The following CCDC181 variants were observed in gnomAD, a reference collection of about 807,000 sequenced individuals.
The protein encoded by CCDC181 is coiled-coil domain-containing protein 181.
Under a neutral mutation model 58.7 loss-of-function variants are expected in CCDC181, and 35 were observed. The observed-to-expected ratio is 0.60, with a 90% CI of 0.46 to 0.79. The LOEUF (loss-of-function observed/expected upper bound fraction) is 0.79, where lower values mean the gene tolerates loss of function less well. Ranked by LOEUF, CCDC181 falls within the 30% of genes least tolerant of loss-of-function variation. The pLI, the probability that CCDC181 is intolerant of heterozygous loss-of-function variation, is 0.00. For missense variants in CCDC181, 517 were observed against 583.9 expected (o/e 0.89, Z 1.18); for synonymous variants, 183 against 197.5 (o/e 0.93, Z 0.62).
chr1:169,423,086 C>T (rs1054048898), intron 2 of CCDC181, among the ~76,000 whole-genome samples: 1 of 130,956 alleles, frequency 7.6e-6, no homozygotes, highest in African/African-American at 2.6e-5. Context: ...TATTTTTTCT[C>T]TTTGTCAAAG....
chr1:169,442,587 A>G (rs986315367), intron 2 of CCDC181: 3 of 152,138 alleles, frequency 2.0e-5, no homozygotes, highest in Non-Finnish European at 4.4e-5. Flanking sequence ...ACACCTGTAC[A>G]TGCTATTGTT....
intron 2 of CCDC181, among the ~76,000 whole-genome samples, chr1:169,440,277 G>A (rs969686921): frequency 1.6e-4 from 25 of 152,196 alleles, no homozygotes; most frequent in African/African-American, 5.5e-4. Flanking sequence ...CGCTGGAGGC[G>A]GATACCAAAC....
intron 2 of CCDC181, among the ~76,000 whole-genome samples, chr1:169,434,684 A>G (rs1657008709): frequency 3.3e-5 from 5 of 152,068 alleles, no homozygotes. Flanking sequence ...TAATAAAGCC[A>G]TGTATGAAAA....
chr1:169,446,152 C>G (rs1420341340), intron 2 of CCDC181, among the ~76,000 whole-genome samples: 2 of 151,980 alleles, frequency 1.3e-5, no homozygotes, highest in African/African-American at 4.8e-5. Flanking sequence ...TAGGTTTAAA[C>G]TGACCTTCTT....
intron 2 of CCDC181, among the ~76,000 whole-genome samples, chr1:169,452,096 T>C (rs1258198850): frequency 6.6e-6 from 1 of 150,940 alleles, no homozygotes; most frequent in African/African-American, 2.4e-5. Flanking sequence ...AGAGGAAATG[T>C]AGATGAGAAG....
At chr1:169,408,924 A>G (rs1655813838) in intron 4 of CCDC181, among the ~76,000 whole-genome samples, 2 of 152,242 alleles carry the variant, frequency 1.3e-5, no homozygotes, top group Non-Finnish European at 2.9e-5. Flanking sequence ...ATCCATAAAG[A>G]TGAGGAAAGC....
At chr1:169,405,761 A>T (rs1256031770) in intron 4 of CCDC181, among the ~76,000 whole-genome samples, 1 of 152,188 alleles carries the variant, frequency 6.6e-6, no homozygotes, top group East Asian at 1.9e-4. Flanking sequence ...AGACTTCATG[A>T]CTAAAACAAA....
intron 4 of CCDC181, among the ~76,000 whole-genome samples, chr1:169,415,169 C>A (rs1314409063): frequency 6.6e-6 from 1 of 152,124 alleles, no homozygotes; most frequent in African/African-American, 2.4e-5. Context: ...TTTATTTTTG[C>A]AAATACCCCA....
At chr1:169,404,301 A>T (rs1405595557) in intron 4 of CCDC181, among the ~76,000 whole-genome samples, 1 of 152,168 alleles carries the variant, frequency 6.6e-6, no homozygotes, top group Non-Finnish European at 1.5e-5. Flanking sequence ...AATCCTCCCT[A>T]ACTCGTTATA....
chr1:169,420,790 A>G (rs891834699), intron 3 of CCDC181, among the ~76,000 whole-genome samples: 2 of 152,158 alleles, frequency 1.3e-5, no homozygotes, highest in African/African-American at 2.4e-5. Flanking sequence ...ATAGAGTTTC[A>G]CATAAGAACA....
chr1:169,456,057 A>C (rs1657668933), intron 2 of CCDC181, among the ~76,000 whole-genome samples: 1 of 152,096 alleles, frequency 6.6e-6, no homozygotes, highest in Admixed American at 6.6e-5. Flanking sequence ...TTCTGCAGGA[A>C]AGTTGTCTTT....
At chr1:169,433,151 C>A (rs1656964125) in intron 2 of CCDC181, among the ~76,000 whole-genome samples, 1 of 151,820 alleles carries the variant, frequency 6.6e-6, no homozygotes, top group African/African-American at 2.4e-5. Flanking sequence ...TTGCAAGAGA[C>A]AAAGCACATA....
chr1:169,406,969 C>G (rs1012900626), intron 4 of CCDC181, among the ~76,000 whole-genome samples: 3 of 144,960 alleles, frequency 2.1e-5, no homozygotes, highest in African/African-American at 7.7e-5. Flanking sequence ...TTTCAGTAAA[C>G]AGACGTTTAG....
At position 169,424,821 on chromosome 1, in the gene CCDC181, C is replaced by T. The variant is rs1420617254; in HGVS notation, c.107G>A (p.Ser36Asn). Residue 36 changes from serine (S) to asparagine (N), a missense_variant, in exon 2 of 6, where the codon AGC becomes AAC. Ser to Asn is a conservative substitution (Grantham distance 46, BLOSUM62 1). Transcript: ENST00000367806. Reference sequence around the variant, plus strand: ...GTTGGCAATATATACCTCTATTATGCTGGCATCACTTTTTTCATTTTCATT... The same window carrying T: ...GTTGGCAATATATACCTCTATTATGTTGGCATCACTTTTTTCATTTTCATT... ...LINENEKSDA[S>N]IIEMACEKEE... is the part of the protein sequence containing the mutation. 2 of 1,567,092 alleles carry T rather than the reference C, an allele frequency of 1.3e-6. No individual in the cohort carries two copies. Among genetic ancestry groups the T allele is most frequent in the South Asian group, 2.3e-5 (2 of 88,642 alleles).
At chr1:169,425,715 A>G (rs1410973555) in intron 1 of CCDC181, among the ~76,000 whole-genome samples, 1 of 152,142 alleles carries the variant, frequency 6.6e-6, no homozygotes, top group African/African-American at 2.4e-5. Context: ...TAAAAATAGT[A>G]CTTTTCACAG....
At chr1:169,434,839 C>A (rs553581148) in intron 2 of CCDC181, among the ~76,000 whole-genome samples, 4 of 152,102 alleles carry the variant, frequency 2.6e-5, no homozygotes, top group Non-Finnish European at 5.9e-5. Flanking sequence ...AAGAAAAAGT[C>A]ATAAAAACAC....
intron 2 of CCDC181, among the ~76,000 whole-genome samples, chr1:169,449,513 A>G (rs1482637428): frequency 6.6e-6 from 1 of 152,250 alleles, no homozygotes; most frequent in Non-Finnish European, 1.5e-5. Context: ...ACAACAGGCC[A>G]TCTGCAAACT....
rs1371928459 is a variant in CCDC181 at position 169,421,430 on chromosome 1, C to T, written c.1001G>A (p.Cys334Tyr). 3 of 1,613,854 alleles carry T rather than the reference C, an allele frequency of 1.9e-6. No individual in the cohort carries two copies. Among genetic ancestry groups the T allele is most frequent in the Non-Finnish European group, 2.5e-6 (3 of 1,179,976 alleles). The stretch of plus-strand genomic sequence containing the variant: ...TAGTTCTTTCTGTCGAGGGGAAAGA[C>T]AGTATGTTGAAGTCACTGGTGAGAT... ...AHISPVTSTY[C>Y]LSPRQKELQK... Residue 334 changes from cysteine to tyrosine, a missense_variant, in exon 3 of 6, where the codon TGT becomes TAT. Transcript: ENST00000367806.
chr1:169,418,658 A>G (rs79963056), intron 4 of CCDC181: 3,352 of 273,334 alleles, frequency 0.012, 37 homozygotes, highest in Non-Finnish European at 0.016. Flanking sequence ...AAAGATTTAC[A>G]TAATATTTCT....
Sources: allele counts gnomAD v4.1 joint callset (sites outside exome capture counted in the v4.1 genomes callset), GRCh38; gene constraint gnomAD v4.1.1; transcripts MANE v1.5; gene names NCBI Gene and HGNC (gene_info 2026-07-23, HGNC 2026-07-21).